Variants in EPS15L1 observed in about 807,000 individuals in gnomAD.
The protein encoded by EPS15L1 is epidermal growth factor receptor pathway substrate 15 like 1.
Under a neutral mutation model 117.1 loss-of-function variants are expected in EPS15L1, and 43 were observed. That is an observed-to-expected ratio of 0.37 (90% CI 0.29 to 0.47). EPS15L1 has a LOEUF of 0.47. Among genes scored for constraint, EPS15L1 ranks in the 20% least tolerant of loss-of-function variants. The probability of loss-of-function intolerance (pLI) is 0.99; values close to 1 mark genes in which losing one functional copy is unlikely to be tolerated. For synonymous variants in EPS15L1, 459 were observed against 470.5 expected, an observed-to-expected ratio of 0.98 and a Z score of 0.32; for missense variants, 981 against 1,164.0, an observed-to-expected ratio of 0.84 and a Z score of 2.29.
chr19:16,429,079 C>T (rs2092905200), intron 7 of EPS15L1, among the ~76,000 whole-genome samples: 1 of 152,112 alleles, frequency 6.6e-6, no homozygotes, highest in Non-Finnish European at 1.5e-5. Context: ...GAAAAGACAG[C>T]TTTGATTGAG....
At chr19:16,459,931 C>A (rs1324618172) in intron 1 of EPS15L1, among the ~76,000 whole-genome samples, 1 of 152,160 alleles carries the variant, frequency 6.6e-6, no homozygotes, top group Non-Finnish European at 1.5e-5. Context: ...CATATGGTAG[C>A]CATTTGCTCT....
intron 23 of EPS15L1, among the ~76,000 whole-genome samples, chr19:16,358,658 G>C (rs2092013434): frequency 6.6e-6 from 1 of 152,208 alleles, no homozygotes; most frequent in Admixed American, 6.5e-5. Context: ...AGACAGCTCG[G>C]CACGCTGGGC....
intron 23 of EPS15L1, among the ~76,000 whole-genome samples, chr19:16,358,715 T>C (rs1486879589): frequency 6.6e-6 from 1 of 152,212 alleles, no homozygotes; most frequent in African/African-American, 2.4e-5. Context: ...TCACTGGCGC[T>C]CCAAGGTGTC....
chr19:16,453,377 T>C (rs1186943058), intron 1 of EPS15L1, among the ~76,000 whole-genome samples: 1 of 152,132 alleles, frequency 6.6e-6, no homozygotes, highest in Non-Finnish European at 1.5e-5. Flanking sequence ...GGTGCTGGGA[T>C]TATAGGTGTG....
In EPS15L1 at chr19:16,355,855, C is replaced by A; in HGVS notation, c.2587-4G>T. ...GCTGCTGCTCCTCATTGCCAAACTG[C>A]AAAGGAAAAACGGAGAGTGGGTGAT... is the stretch of plus-strand genomic sequence containing the variant. On this transcript the variant is annotated splice_polypyrimidine_tract_variant and splice_region_variant and intron_variant, in intron 23 of 23. Coordinates refer to ENST00000455140, the MANE Select transcript of EPS15L1 (RefSeq NM_001258374.3). 6.5e-7 allele frequency: 1 copy of A among 1,535,312 alleles called. No homozygotes were observed. Among genetic ancestry groups the A allele is most frequent in the Non-Finnish European group, 8.7e-7 (1 of 1,146,354 alleles).
At chr19:16,441,009 G>T in intron 3 of EPS15L1, 100 bp from the exon 4 acceptor site, 1 of 1,150,280 alleles carries the variant, frequency 8.7e-7, no homozygotes, top group Non-Finnish European at 1.3e-6. Context: ...GCCTTGCGGG[G>T]CAGGAGTGAC....
chr19:16,382,371 G>C (rs2092372851), intron 21 of EPS15L1, among the ~76,000 whole-genome samples: 1 of 152,154 alleles, frequency 6.6e-6, no homozygotes, highest in Non-Finnish European at 1.5e-5. Context: ...TTTTAGAAAG[G>C]TTTCAGTAAA....
intron 1 of EPS15L1, among the ~76,000 whole-genome samples, chr19:16,460,614 C>A (rs1239260082): frequency 1.3e-5 from 2 of 152,204 alleles, no homozygotes; most frequent in Non-Finnish European, 2.9e-5. Flanking sequence ...CCTTGCCCAG[C>A]CCATCAGCAA....
intron 12 of EPS15L1, among the ~76,000 whole-genome samples, chr19:16,414,313 C>T (rs2144901458): frequency 6.6e-6 from 1 of 152,268 alleles, no homozygotes; most frequent in African/African-American, 2.4e-5. Context: ...AGATTCTTCC[C>T]CTAGAGCCTC....
chr19:16,431,934 T>C (rs1473876337), intron 7 of EPS15L1, among the ~76,000 whole-genome samples: 2 of 152,228 alleles, frequency 1.3e-5, no homozygotes, highest in Non-Finnish European at 2.9e-5. Context: ...TGTATTTTTC[T>C]AACCAAACGT....
Position 16,402,340 on chromosome 19 carries a change from C to G in EPS15L1, c.1772G>C (p.Arg591Thr). The G allele has an allele frequency of 1.9e-6, 3 of 1,611,134 alleles. No individual in the cohort carries two copies. The East Asian group carries it at 6.7e-5, about 36-fold the overall frequency. ...CTTTACCATGGCTCCAAAACTGCCC[C>G]TCTCTGCCAGGGAGACGCCTTCGCT... Reference protein sequence around the residue: ...NLSEGVSLAERGSFGAMDDPF... With the variant: ...NLSEGVSLAETGSFGAMDDPF... Residue 591 changes from arginine to threonine, a missense_variant, in exon 16 of 24, where the codon AGG (arginine) becomes ACG (threonine). By Grantham distance (71) the Arg-to-Thr change is moderately conservative. Transcript: ENST00000455140.
chr19:16,375,322 A>C (rs2144692319), intron 22 of EPS15L1, among the ~76,000 whole-genome samples: 1 of 152,084 alleles, frequency 6.6e-6, no homozygotes, highest in South Asian at 2.1e-4. Flanking sequence ...GCAGGCGTGG[A>C]GGATGTGTGT....
At chr19:16,375,093 ATG>A (rs2092277416) in intron 22 of EPS15L1, among the ~76,000 whole-genome samples, 1 of 152,330 alleles carries the variant, frequency 6.6e-6, no homozygotes, top group Middle Eastern at 3.4e-3. Context: ...CTATGCATGC[ATG>A]TGTGTACTGA....
chr19:16,376,020 A>G lies in EPS15L1; in HGVS notation c.2380+1102T>C, dbSNP rs534956922. ...ACCTGCGATGACACAGGGGCTGCAA[A>G]GTGAGGCCAGTGGCAGATTCCAGGG... On this transcript the variant is annotated intron_variant, in intron 22 of 23. Transcript: ENST00000455140. Among the ~76,000 whole-genome samples the G allele has an allele frequency of 3.6e-4, 55 of 152,298 alleles. No homozygotes were observed. The South Asian group carries it at 3.9e-3, about 11-fold the overall frequency.
intron 7 of EPS15L1, among the ~76,000 whole-genome samples, chr19:16,430,264 G>A (rs573661327): frequency 2.0e-5 from 3 of 152,218 alleles, no homozygotes; most frequent in Non-Finnish European, 2.9e-5. Flanking sequence ...GGGCCAAACT[G>A]TGATTATCAG....
At chr19:16,437,666 C>A in intron 5 of EPS15L1, 104 bp downstream of exon 5, 1 of 789,652 alleles carries the variant, frequency 1.3e-6, no homozygotes, top group Non-Finnish European at 2.2e-6. Flanking sequence ...AAGGGGAAGG[C>A]TAGAGAAAAC....
In EPS15L1 at chr19:16,392,648, C is replaced by T. The variant is rs4808501; in HGVS notation, c.1967-208G>A. 4.6e-3 allele frequency among the ~76,000 whole-genome samples: 703 copies of T among 152,226 alleles called. 20 individuals are homozygous for T. The highest frequency in any genetic ancestry group is 0.042 in the Admixed American group (636 of 15,294). ...GGGCCTCAGGAATGACAGAAGTGTT[C>T]TCAAATTGCACACAACCGTGCATAT... On this transcript the variant is annotated intron_variant, in intron 18 of 23. Coordinates refer to ENST00000455140, the MANE Select transcript of EPS15L1 (RefSeq NM_001258374.3).
At chr19:16,360,240 G>A (rs1568385064) in intron 23 of EPS15L1, among the ~76,000 whole-genome samples, 3 of 151,692 alleles carry the variant, frequency 2.0e-5, no homozygotes, top group African/African-American at 7.3e-5. Flanking sequence ...GAAGAGTTCT[G>A]TTTTTTTTAA....
At chr19:16,373,951 C>T (rs922002986) in intron 22 of EPS15L1, among the ~76,000 whole-genome samples, 1 of 152,220 alleles carries the variant, frequency 6.6e-6, no homozygotes, top group African/African-American at 2.4e-5. Context: ...TTTTTCTGTT[C>T]AGCCATTGCT....
Sources: gnomAD v4.1 joint callset for allele counts (sites outside exome capture counted in the v4.1 genomes callset) on GRCh38, gnomAD v4.1.1 for gene constraint, MANE v1.5 for transcripts, NCBI Gene and HGNC (gene_info 2026-07-23, HGNC 2026-07-21) for gene names.